NAA25: variants seen among roughly 807,000 people sequenced by gnomAD.
NAA25 encodes N-alpha-acetyltransferase 25, NatB auxiliary subunit.
A neutral mutation model predicts 132.5 loss-of-function variants in NAA25; 30 were observed. The ratio of observed to expected loss-of-function variants is 0.23; its 90% CI spans 0.17 to 0.31. NAA25 has a LOEUF of 0.31. NAA25 is among the 10% of genes least tolerant of loss of function. NAA25 has a pLI of 1.00. For missense variants in NAA25, 771 were observed against 1,150.4 expected, an observed-to-expected ratio of 0.67 and a Z score of 4.77; for synonymous variants, 359 against 401.9, an observed-to-expected ratio of 0.89 and a Z score of 1.28.
chr12:112,073,242 A>T (rs567526662), intron 9 of NAA25, among the ~76,000 whole-genome samples: 1 of 149,196 alleles, frequency 6.7e-6, no homozygotes, highest in African/African-American at 2.5e-5. Context: ...CTCAAAAAAA[A>T]CAAAAATTAA....
At chr12:112,034,624 TC>T (rs1253926916) in intron 22 of NAA25, 2 of 147,894 alleles carry the variant, frequency 1.4e-5, no homozygotes, top group Non-Finnish European at 2.9e-5. Flanking sequence ...AGACTCCGTC[TC>T]AAAAACAACA....
Position 112,043,106 on chromosome 12 carries a change from G to A in NAA25, c.2356C>T (p.Leu786=). ...SFYLVNDIYE[L]DTSGLEDTME... ...CACTTACCTAAACCACTGGTATCCA[G>A]CTCATAAATATCATTGACAAGATAA... Residue 786 remains leucine (L), a synonymous_variant, in exon 19 of 24, where the codon CTG becomes TTG. Coordinates refer to ENST00000261745, the MANE Select transcript of NAA25 (RefSeq NM_024953.4). 6.2e-7 allele frequency: 1 copy of A among 1,611,606 alleles called. No homozygotes were observed. Among genetic ancestry groups the A allele is most frequent in the Non-Finnish European group, 8.5e-7 (1 of 1,178,830 alleles).
intron 1 of NAA25, among the ~76,000 whole-genome samples, chr12:112,104,847 C>CAAAACA (rs1237727648): frequency 7.2e-6 from 1 of 139,518 alleles, no homozygotes; most frequent in African/African-American, 2.6e-5. Context: ...AAAAAAAAAA[C>CAAAACA]AAAACAAAAA....
intron 10 of NAA25, among the ~76,000 whole-genome samples, chr12:112,069,702 C>G (rs2078774628): frequency 6.6e-6 from 1 of 151,734 alleles, no homozygotes; most frequent in Non-Finnish European, 1.5e-5. Context: ...CACCTGTAAT[C>G]CCAGCTACTA....
At chr12:112,057,714 G>A (rs2078567315) in intron 13 of NAA25, among the ~76,000 whole-genome samples, 1 of 152,204 alleles carries the variant, frequency 6.6e-6, no homozygotes, top group South Asian at 2.1e-4. Context: ...AATTAGGCCG[G>A]GCGCAGTGGC....
chr12:112,033,053 G>GA (rs1207816344), intron 23 of NAA25, among the ~76,000 whole-genome samples, 180 bp downstream of exon 23: 4 of 152,070 alleles, frequency 2.6e-5, no homozygotes, highest in African/African-American at 9.7e-5. Context: ...ATGAAGAGGG[G>GA]AAAAAACCTA....
chr12:112,056,195 G>A (rs984939892), intron 13 of NAA25, among the ~76,000 whole-genome samples: 5 of 152,042 alleles, frequency 3.3e-5, no homozygotes, highest in African/African-American at 1.2e-4. Context: ...TTAGCCGGGC[G>A]TGGTGGCGGG....
intron 2 of NAA25, among the ~76,000 whole-genome samples, chr12:112,091,823 T>C (rs569851360): frequency 9.2e-5 from 14 of 152,138 alleles, no homozygotes; most frequent in South Asian, 4.2e-4. Flanking sequence ...GATTGTGCTA[T>C]TGCACTCCAG....
At chr12:112,078,908 A>C (rs1490271018) in intron 5 of NAA25, among the ~76,000 whole-genome samples, 167 bp from the exon 6 acceptor site, 1 of 152,216 alleles carries the variant, frequency 6.6e-6, no homozygotes, top group Non-Finnish European at 1.5e-5. Flanking sequence ...TGTTTTACAA[A>C]AGATTTCTTT....
chr12:112,043,489 A>G, intron 18 of NAA25, 136 bp downstream of exon 18: 1 of 1,048,412 alleles, frequency 9.5e-7, no homozygotes, highest in Non-Finnish European at 1.4e-6. Context: ...AGTCTAAAAT[A>G]TTCCTCTTTC....
intron 1 of NAA25, among the ~76,000 whole-genome samples, chr12:112,101,312 T>C (rs915989052): frequency 1.3e-5 from 2 of 152,166 alleles, no homozygotes; most frequent in Non-Finnish European, 2.9e-5. Context: ...GCAGAAACTA[T>C]GTCTGTGCTG....
At chr12:112,089,512 C>T (rs1318030979) in intron 3 of NAA25, among the ~76,000 whole-genome samples, 1 of 151,972 alleles carries the variant, frequency 6.6e-6, no homozygotes, top group African/African-American at 2.4e-5. Flanking sequence ...AGCCACTTGG[C>T]TATTAGATGA....
chr12:112,043,257 T>C (rs767126266), intron 18 of NAA25, 46 bp from the exon 19 acceptor site: 8 of 1,529,198 alleles, frequency 5.2e-6, no homozygotes, highest in Non-Finnish European at 6.2e-6. Flanking sequence ...TCCATCTAAA[T>C]GCATACAAAA....
chr12:112,037,275 CAT>C (rs57810657), intron 22 of NAA25, among the ~76,000 whole-genome samples: 6,457 of 63,760 alleles, frequency 0.1, 244 homozygotes, highest in Non-Finnish European at 0.14. Flanking sequence ...TTAAAAAATA[CAT>C]ATATATATAT....
rs375340001 is a variant in NAA25, at chr12:112,060,368, G to GA, written c.1358-10dup. 8.3e-6 allele frequency: 13 copies of GA among 1,572,260 alleles called. No individual in the cohort carries two copies. The highest frequency in any genetic ancestry group is 7.8e-5 in the South Asian group (7 of 89,492). ...TTTCAAACAGGTTTTCCCTATGGGGGAAAAAAATCATATCTATTTTAACAT... is the reference window on the plus strand; with the variant it reads ...TTTCAAACAGGTTTTCCCTATGGGGGAAAAAAAATCATATCTATTTTAACAT... On this transcript the variant is annotated splice_polypyrimidine_tract_variant and intron_variant, in intron 12 of 23. Transcript: ENST00000261745.
intron 11 of NAA25, chr12:112,064,298 T>TA (rs1225762146): frequency 6.6e-6 from 1 of 152,396 alleles, no homozygotes. Flanking sequence ...CAACCTCGGC[T>TA]CACTGCAACC....
chr12:112,071,254 C>G (rs1317768129), intron 10 of NAA25, among the ~76,000 whole-genome samples: 1 of 152,218 alleles, frequency 6.6e-6, no homozygotes, highest in African/African-American at 2.4e-5. Flanking sequence ...CTCCTGAGCT[C>G]AGGTGTTCCG....
At chr12:112,052,124 T>C (rs1437908052) in intron 15 of NAA25, among the ~76,000 whole-genome samples, 1 of 152,150 alleles carries the variant, frequency 6.6e-6, no homozygotes, top group Non-Finnish European at 1.5e-5. Flanking sequence ...AATAATGAGA[T>C]GAGGAAACCA....
intron 11 of NAA25, 23 bp from the exon 12 acceptor site, chr12:112,061,411 G>A (rs1318382612): frequency 6.3e-7 from 1 of 1,580,646 alleles, no homozygotes; most frequent in Admixed American, 1.7e-5. Flanking sequence ...GAAAAAAGGA[G>A]CAAAGGTCTC....
Sources: allele counts gnomAD v4.1 joint callset (sites outside exome capture counted in the v4.1 genomes callset), GRCh38; gene constraint gnomAD v4.1.1; transcripts MANE v1.5; gene names NCBI Gene and HGNC (gene_info 2026-07-23, HGNC 2026-07-21).